The following SYCP1 variants were observed in gnomAD, a reference collection of about 807,000 sequenced individuals.
SYCP1 encodes the protein synaptonemal complex protein 1.
In SYCP1, 64 loss-of-function variants were observed where a neutral mutation model predicts 153.1. The observed-to-expected ratio is 0.42, with a 90% CI of 0.34 to 0.51. SYCP1 has a LOEUF of 0.51. SYCP1 is among the 20% of genes least tolerant of loss of function. The pLI, the probability that SYCP1 is intolerant of heterozygous loss-of-function variation, is 0.06. For synonymous variants in SYCP1, 384 were observed against 341.8 expected (o/e 1.12, Z -1.36); for missense variants, 997 against 1,049.0 (o/e 0.95, Z 0.68).
At chr1:114,930,458 C>A (rs1669551483) in intron 23 of SYCP1, among the ~76,000 whole-genome samples, 1 of 151,064 alleles carries the variant, frequency 6.6e-6, no homozygotes. Flanking sequence ...TCACTGCAGG[C>A]AAGAATGAAA....
chr1:114,906,088 C>G (rs1187459817), intron 16 of SYCP1, among the ~76,000 whole-genome samples: 3 of 151,974 alleles, frequency 2.0e-5, no homozygotes, highest in Non-Finnish European at 4.4e-5. Context: ...GCTTCAGCCT[C>G]CTGAGTAGCT....
At chr1:114,978,500 G>T (rs746770303) in intron 28 of SYCP1, among the ~76,000 whole-genome samples, 7 of 151,586 alleles carry the variant, frequency 4.6e-5, no homozygotes, top group Non-Finnish European at 3.0e-5. Flanking sequence ...TCATAGAGAA[G>T]AAGAATACCC....
Position 114,887,656 on chromosome 1 carries a change from A to G in SYCP1, c.1221A>G (p.Ile407Met), listed in dbSNP as rs772010689. 6.4e-7 allele frequency: 1 copy of G among 1,572,582 alleles called. No individual in the cohort carries two copies. Among genetic ancestry groups the G allele is most frequent in the South Asian group, 1.2e-5 (1 of 83,270 alleles). The change falls in exon 15 of 32, where the codon ATA (isoleucine) becomes ATG (methionine). Residue 407 changes from isoleucine to methionine, a missense_variant. Physicochemically the swap from Ile to Met is conservative, Grantham distance 10. Transcript: ENST00000369522. ...AAAAAAATGAAGATCAATTGAAAAT[A>G]CTTACCATGGAGCTTCAAAAGAAAT... ...RLEKNEDQLK[I>M]LTMELQKKSS...
At chr1:114,890,495 T>G (rs1345788629) in intron 15 of SYCP1, among the ~76,000 whole-genome samples, 3 of 152,140 alleles carry the variant, frequency 2.0e-5, no homozygotes, top group East Asian at 1.9e-4. Context: ...TTGATGGAGG[T>G]ATGTTAATAC....
chr1:114,953,137 A>G (rs1449847259), intron 27 of SYCP1, among the ~76,000 whole-genome samples: 5 of 152,192 alleles, frequency 3.3e-5, no homozygotes, highest in Admixed American at 1.3e-4. Context: ...TGGCCCTATC[A>G]CCTTCCAAAT....
At chr1:114,866,406 G>C (rs1664748074) in intron 8 of SYCP1, among the ~76,000 whole-genome samples, 1 of 152,010 alleles carries the variant, frequency 6.6e-6, no homozygotes, top group Non-Finnish European at 1.5e-5. Context: ...TCTCTTTGTT[G>C]TTCTAAATTG....
At chr1:114,879,944 C>G (rs1373314112) in intron 12 of SYCP1, among the ~76,000 whole-genome samples, 2 of 152,226 alleles carry the variant, frequency 1.3e-5, no homozygotes, top group South Asian at 4.1e-4. Context: ...CATTTGATTA[C>G]TTAAGAGTCC....
chr1:114,896,620 T>C (rs1431106152), intron 16 of SYCP1, among the ~76,000 whole-genome samples: 1 of 152,228 alleles, frequency 6.6e-6, no homozygotes, highest in Non-Finnish European at 1.5e-5. Flanking sequence ...GTGGAATGAA[T>C]GTATGCTTCA....
intron 27 of SYCP1, among the ~76,000 whole-genome samples, chr1:114,971,295 TG>T (rs1672475176): frequency 6.6e-6 from 1 of 151,220 alleles, no homozygotes; most frequent in Admixed American, 6.6e-5. Context: ...CTGTGAGGGG[TG>T]GGGTAGTGGT....
chr1:114,885,027 A>T (rs893342504), intron 12 of SYCP1, among the ~76,000 whole-genome samples: 1 of 152,156 alleles, frequency 6.6e-6, no homozygotes, highest in African/African-American at 2.4e-5. Flanking sequence ...AAAAAAATCA[A>T]GATAATCAAT....
chr1:114,924,353 C>T (rs1004213565), intron 21 of SYCP1, among the ~76,000 whole-genome samples: 4 of 152,074 alleles, frequency 2.6e-5, no homozygotes, highest in Admixed American at 6.6e-5. Context: ...AGCTGCATGT[C>T]GACTCATAGA....
intron 23 of SYCP1, among the ~76,000 whole-genome samples, chr1:114,942,194 T>C (rs1418669101): frequency 6.6e-6 from 1 of 151,984 alleles, no homozygotes. Context: ...ATATTGGCCA[T>C]GAACATCTCA....
chr1:114,934,698 A>G (rs988114676), intron 23 of SYCP1, among the ~76,000 whole-genome samples: 2 of 152,174 alleles, frequency 1.3e-5, no homozygotes, highest in Non-Finnish European at 2.9e-5. Context: ...GATCAGAATA[A>G]AGGGGTGGAG....
intron 18 of SYCP1, among the ~76,000 whole-genome samples, chr1:114,912,720 A>G (rs866195196): frequency 2.0e-5 from 3 of 152,132 alleles, no homozygotes; most frequent in African/African-American, 7.2e-5. Flanking sequence ...AAAATTATTG[A>G]AGAAAATAAT....
intron 15 of SYCP1, among the ~76,000 whole-genome samples, chr1:114,893,242 T>A (rs1358369237): frequency 2.6e-5 from 4 of 152,210 alleles, no homozygotes; most frequent in Non-Finnish European, 5.9e-5. Flanking sequence ...TTTCCTGAAT[T>A]GGGAGGTATC....
At position 114,857,282 on chromosome 1, in the gene SYCP1, T is replaced by G. The variant is rs370642157; in HGVS notation, c.237+7T>G. On this transcript the variant is annotated splice_region_variant and intron_variant, in intron 4 of 31. Coordinates refer to ENST00000369522, the MANE Select transcript of SYCP1 (RefSeq NM_003176.4). ...CTTGCCCGTGCTTGAGCAGGTCAGT[T>G]AAGCATAGTACATGTAGATATAATC... 2.5e-6 allele frequency: 4 copies of G among 1,602,874 alleles called. No individual in the cohort carries two copies. The African/African-American group carries it at 5.4e-5, about 21-fold the overall frequency.
At chr1:114,950,093 G>C (rs1023276219) in intron 27 of SYCP1, among the ~76,000 whole-genome samples, 2 of 152,096 alleles carry the variant, frequency 1.3e-5, no homozygotes, top group African/African-American at 2.4e-5. Context: ...TTTCCACCTC[G>C]CTGACTTCAG....
chr1:114,906,896 T>A (rs1370563729), intron 16 of SYCP1, among the ~76,000 whole-genome samples: 1 of 152,220 alleles, frequency 6.6e-6, no homozygotes, highest in East Asian at 1.9e-4. Flanking sequence ...ATTGAATTTT[T>A]GGGTCTAATT....
chr1:114,913,833 C>T (rs1668337199), intron 19 of SYCP1, 142 bp from the exon 20 acceptor site: 2 of 504,586 alleles, frequency 4.0e-6, no homozygotes, highest in Non-Finnish European at 6.9e-6. Context: ...TAGTATGGAA[C>T]TATACAAGTT....
Sources: gnomAD v4.1 joint callset for allele counts (sites outside exome capture counted in the v4.1 genomes callset) on GRCh38, gnomAD v4.1.1 for gene constraint, MANE v1.5 for transcripts, NCBI Gene and HGNC (gene_info 2026-07-23, HGNC 2026-07-21) for gene names.